Variants in FAM13A observed in about 807,000 individuals in gnomAD.
FAM13A encodes family with sequence similarity 13 member A, also known as protein FAM13A.
FAM13A carries 76 observed loss-of-function variants against 129.6 expected under a neutral mutation model. That is an observed-to-expected ratio of 0.59 (90% CI 0.49 to 0.71). The LOEUF is 0.71. Ranked by LOEUF, FAM13A falls within the 30% of genes least tolerant of loss-of-function variation. The pLI, the probability that FAM13A is intolerant of heterozygous loss-of-function variation, is 0.00. For synonymous variants in FAM13A, 443 were observed against 449.9 expected (o/e 0.98, Z 0.20); for missense variants, 1,108 against 1,249.3 (o/e 0.89, Z 1.70).
intron 4 of FAM13A, among the ~76,000 whole-genome samples, chr4:88,947,076 C>T (rs1756011566): frequency 6.6e-6 from 1 of 152,086 alleles, no homozygotes; most frequent in Non-Finnish European, 1.5e-5. Flanking sequence ...TTGGACTAAG[C>T]ACCTGCACGA....
intron 6 of FAM13A, among the ~76,000 whole-genome samples, chr4:88,869,825 G>A (rs1309144995): frequency 6.6e-6 from 1 of 152,164 alleles, no homozygotes; most frequent in Non-Finnish European, 1.5e-5. Flanking sequence ...ATGACAAAGA[G>A]ATCATCAAAA....
At chr4:88,805,641 C>A (rs543961342) in intron 7 of FAM13A, among the ~76,000 whole-genome samples, 3 of 151,200 alleles carry the variant, frequency 2.0e-5, no homozygotes, top group African/African-American at 7.3e-5. Flanking sequence ...ACAACACAGA[C>A]AAAATATGAA....
intron 7 of FAM13A, among the ~76,000 whole-genome samples, chr4:88,808,944 C>A (rs1367254025): frequency 2.6e-5 from 4 of 152,118 alleles, no homozygotes; most frequent in Non-Finnish European, 5.9e-5. Flanking sequence ...TAAGAAGCTA[C>A]AACTAAGAAT....
chr4:88,742,474 G>A (rs1175420871), intron 19 of FAM13A, among the ~76,000 whole-genome samples: 1 of 152,148 alleles, frequency 6.6e-6, no homozygotes. Context: ...TCATTTAACA[G>A]AAGCACCAAA....
intron 3 of FAM13A, among the ~76,000 whole-genome samples, chr4:89,002,119 C>T (rs1317305883): frequency 7.0e-6 from 1 of 142,688 alleles, no homozygotes; most frequent in Non-Finnish European, 1.5e-5. Flanking sequence ...CTAGTCTTCC[C>T]AAGGCTCCAC....
chr4:88,822,942 C>G (rs1466386506), intron 7 of FAM13A: 16 of 1,608,038 alleles, frequency 1.0e-5, no homozygotes, highest in Non-Finnish European at 1.4e-5. Context: ...TCAAAAAATA[C>G]ATAGCAGAAT....
At chr4:88,737,611 A>G in intron 20 of FAM13A, 56 bp from the exon 21 acceptor site, 6 of 1,420,662 alleles carry the variant, frequency 4.2e-6, no homozygotes, top group Non-Finnish European at 6.0e-6. Context: ...CTTTCCCTCC[A>G]GCTCTCGGCC....
At chr4:88,957,171 T>C (rs776831138) in intron 4 of FAM13A, among the ~76,000 whole-genome samples, 1 of 152,114 alleles carries the variant, frequency 6.6e-6, no homozygotes, top group Non-Finnish European at 1.5e-5. Flanking sequence ...ACTGAAAATA[T>C]GAAAATTAGC....
At chr4:88,852,034 G>A (rs1051835704) in intron 6 of FAM13A, among the ~76,000 whole-genome samples, 2 of 152,114 alleles carry the variant, frequency 1.3e-5, no homozygotes, top group African/African-American at 4.8e-5. Flanking sequence ...TTTTTCCCAT[G>A]CTTGTCCTTA....
Position 88,749,890 on chromosome 4 carries a change from C to G in FAM13A, c.1960G>C (p.Gly654Arg). The part of the protein sequence containing the change: ...SFMRRRSSSL[G>R]SYDDEQEDLT... ...TCCTCTTGCTCATCATCATAGGACC[C>G]CAGAGAGGAGCTTCGCCGCCTGTGA... The change falls in exon 16 of 24, where the codon GGG becomes CGG. Residue 654 changes from glycine (G) to arginine (R), a missense_variant. By Grantham distance (125) the Gly-to-Arg change is moderately radical. Transcript: ENST00000264344. The G allele has an allele frequency of 1.2e-6, 2 of 1,613,880 alleles. No individual in the cohort carries two copies. Among genetic ancestry groups the G allele is most frequent in the Non-Finnish European group, 1.7e-6 (2 of 1,179,996 alleles).
chr4:88,988,626 T>C (rs983138965), intron 4 of FAM13A, among the ~76,000 whole-genome samples: 1 of 152,036 alleles, frequency 6.6e-6, no homozygotes, highest in Non-Finnish European at 1.5e-5. Context: ...ATGACTGAAA[T>C]TTTTCATATT....
intron 5 of FAM13A, among the ~76,000 whole-genome samples, chr4:88,916,822 ATAGTTTAATTTT>A (rs1392048449): frequency 6.6e-6 from 1 of 152,186 alleles, no homozygotes; most frequent in Admixed American, 6.5e-5. Flanking sequence ...AGAGTGTATC[ATAGTTTAATTTT>A]TTTTTTCAGA....
intron 10 of FAM13A, among the ~76,000 whole-genome samples, chr4:88,783,981 G>A (rs1249768573): frequency 6.6e-6 from 1 of 152,034 alleles, no homozygotes; most frequent in East Asian, 1.9e-4. Context: ...GTGGTATTTT[G>A]TTATGGCAGC....
At chr4:88,867,736 T>A (rs946437783) in intron 6 of FAM13A, among the ~76,000 whole-genome samples, 2 of 152,210 alleles carry the variant, frequency 1.3e-5, no homozygotes, top group African/African-American at 4.8e-5. Flanking sequence ...ATGTACAGCA[T>A]GATACTTCAA....
intron 7 of FAM13A, among the ~76,000 whole-genome samples, chr4:88,825,512 G>C (rs1464966390): frequency 6.6e-6 from 1 of 151,996 alleles, no homozygotes; most frequent in East Asian, 1.9e-4. Flanking sequence ...CACTACGCCT[G>C]GCATGAACGT....
chr4:88,811,007 A>T (rs1020082021), intron 7 of FAM13A, among the ~76,000 whole-genome samples: 1 of 152,156 alleles, frequency 6.6e-6, no homozygotes, highest in Non-Finnish European at 1.5e-5. Flanking sequence ...CTAAATACAC[A>T]TCTCCCTTGC....
chr4:88,876,581 C>A (rs1434529917), intron 6 of FAM13A, among the ~76,000 whole-genome samples: 3 of 151,922 alleles, frequency 2.0e-5, no homozygotes, highest in Admixed American at 1.3e-4. Context: ...ATACACCTAC[C>A]CCCTGGTCAC....
chr4:88,963,518 G>A (rs916976141), intron 4 of FAM13A, among the ~76,000 whole-genome samples: 5 of 151,950 alleles, frequency 3.3e-5, no homozygotes, highest in Non-Finnish European at 4.4e-5. Context: ...GGATGGTCTC[G>A]AACTCCTGAC....
At chr4:88,833,383 T>C (rs1734246785) in intron 7 of FAM13A, among the ~76,000 whole-genome samples, 1 of 152,104 alleles carries the variant, frequency 6.6e-6, no homozygotes, top group Non-Finnish European at 1.5e-5. Flanking sequence ...AACAAATAAG[T>C]AATGAATAGC....
Sources: gnomAD v4.1 joint callset for allele counts (sites outside exome capture counted in the v4.1 genomes callset) on GRCh38, gnomAD v4.1.1 for gene constraint, MANE v1.5 for transcripts, NCBI Gene and HGNC (gene_info 2026-07-23, HGNC 2026-07-21) for gene names.